ITGAM: variants seen among roughly 807,000 people sequenced by gnomAD.
ITGAM encodes the protein integrin subunit alpha M, also known as integrin alpha-M.
In ITGAM, 79 loss-of-function variants were observed where a neutral mutation model predicts 137.5. That is an observed-to-expected ratio of 0.57 (90% confidence interval 0.48 to 0.69). ITGAM has a LOEUF of 0.69. Ranked by LOEUF, ITGAM falls within the 30% of genes least tolerant of loss-of-function variation. ITGAM has a pLI of 0.00. For missense variants in ITGAM, 1,343 were observed against 1,483.5 expected (o/e 0.91, Z 1.56); for synonymous variants, 583 against 592.3 (o/e 0.98, Z 0.23).
intron 14 of ITGAM, 49 bp downstream of exon 14, chr16:31,298,003 C>T (rs2080155360): frequency 6.8e-7 from 1 of 1,472,330 alleles, no homozygotes; most frequent in Non-Finnish European, 9.5e-7. Flanking sequence ...CTTTGTTGAT[C>T]TTTCTCCTAA....
intron 12 of ITGAM, among the ~76,000 whole-genome samples, chr16:31,289,423 C>A (rs1011911902): frequency 6.6e-6 from 1 of 152,052 alleles, no homozygotes; most frequent in Non-Finnish European, 1.5e-5. Flanking sequence ...TACTATGCAG[C>A]CATAAAAAAG....
intron 14 of ITGAM, among the ~76,000 whole-genome samples, chr16:31,319,267 G>T (rs2080423559): frequency 6.6e-6 from 1 of 150,498 alleles, no homozygotes; most frequent in African/African-American, 2.5e-5. Flanking sequence ...TGTTCTATTT[G>T]CTATTGAAAG....
At chr16:31,277,806 T>C (rs41370044) in intron 11 of ITGAM, among the ~76,000 whole-genome samples, 161 bp from the exon 12 acceptor site, 21,667 of 152,028 alleles carry the variant, frequency 0.14, 1,695 homozygotes, top group African/African-American at 0.19. Flanking sequence ...AACTTCTAAA[T>C]TGAATTGTAA....
chr16:31,308,737 C>T (rs75845236), intron 14 of ITGAM, among the ~76,000 whole-genome samples: 23,751 of 149,974 alleles, frequency 0.16, 1,180 homozygotes, highest in African/African-American at 0.27. Context: ...CTTTTAATTG[C>T]GATGTTAGGG....
chr16:31,301,324 C>A (rs1163721893), intron 14 of ITGAM, among the ~76,000 whole-genome samples: 1 of 152,158 alleles, frequency 6.6e-6, no homozygotes, highest in African/African-American at 2.4e-5. Flanking sequence ...AGAGAGTATC[C>A]TTTACCCATT....
intron 28 of ITGAM, 37 bp from the exon 29 acceptor site, chr16:31,331,128 G>A (rs1220297609): frequency 2.7e-6 from 3 of 1,094,030 alleles, no homozygotes; most frequent in Non-Finnish European, 4.2e-6. Context: ...CAGAAATCCA[G>A]AGTCGTCTCC....
chr16:31,295,333 G>A (rs1349241167), intron 12 of ITGAM, among the ~76,000 whole-genome samples: 1 of 151,958 alleles, frequency 6.6e-6, no homozygotes, highest in Non-Finnish European at 1.5e-5. Flanking sequence ...CATGAACATA[G>A]GATATCTTTC....
At chr16:31,275,745 C>T in intron 9 of ITGAM, 46 bp downstream of exon 9, 1 of 1,605,672 alleles carries the variant, frequency 6.2e-7, no homozygotes, top group Non-Finnish European at 8.5e-7. Context: ...GAGGCAGCCC[C>T]CCACCCCAGA....
chr16:31,270,902 C>T, intron 5 of ITGAM, 52 bp from the exon 6 acceptor site: 6 of 1,351,582 alleles, frequency 4.4e-6, no homozygotes, highest in Non-Finnish European at 5.8e-6. Flanking sequence ...CAAAAAAACC[C>T]AAAACACCAA....
intron 22 of ITGAM, among the ~76,000 whole-genome samples, chr16:31,327,636 A>T (rs967993782): frequency 1.7e-4 from 26 of 151,942 alleles, no homozygotes; most frequent in African/African-American, 6.0e-4. Flanking sequence ...TAAAAGGGAA[A>T]AAAAGAAAAT....
rs376338183 is a variant in ITGAM, at chr16:31,316,339, A to G, written c.1708-4902A>G. The stretch of plus-strand genomic sequence containing the variant: ...GAGGAAGAGGTTGCAGTGAGCCTAC[A>G]TCATGCCACTGCACTCCAGCCTGGG... On this transcript the variant is annotated intron_variant, in intron 14 of 29. Transcript: ENST00000544665. Among the ~76,000 whole-genome samples, 689 of 151,256 alleles carry G rather than the reference A, an allele frequency of 4.6e-3. 5 individuals carry two copies. Among genetic ancestry groups the G allele is most frequent in the African/African-American group, 0.016 (653 of 41,290 alleles).
At chr16:31,281,987 A>C (rs980555695) in intron 12 of ITGAM, among the ~76,000 whole-genome samples, 19 of 152,340 alleles carry the variant, frequency 1.2e-4, no homozygotes, top group African/African-American at 3.6e-4. Context: ...TCCAGTAGTC[A>C]TTCAGGAGCA....
At chr16:31,272,080 G>C in intron 7 of ITGAM, 88 bp downstream of exon 7, 1 of 1,511,634 alleles carries the variant, frequency 6.6e-7, no homozygotes, top group South Asian at 1.2e-5. Flanking sequence ...TTCAGACAGG[G>C]GTGGTAGAGG....
chr16:31,302,928 CTTTCTT>C (rs2080225467), intron 14 of ITGAM, among the ~76,000 whole-genome samples: 1 of 29,468 alleles, frequency 3.4e-5, no homozygotes, highest in African/African-American at 1.3e-4. Flanking sequence ...CTCTTTCTTT[CTTTCTT>C]TCTTTCTTTC....
At chr16:31,304,234 CAT>C (rs1246419318) in intron 14 of ITGAM, among the ~76,000 whole-genome samples, 4 of 152,010 alleles carry the variant, frequency 2.6e-5, no homozygotes, top group Non-Finnish European at 4.4e-5. Flanking sequence ...GCATTTTTTT[CAT>C]ATGTTTATCG....
chr16:31,312,099 C>A (rs1313740203), intron 14 of ITGAM, among the ~76,000 whole-genome samples: 4 of 130,706 alleles, frequency 3.1e-5, no homozygotes, highest in Non-Finnish European at 4.6e-5. Flanking sequence ...AACACATGGA[C>A]ACAGGAAGGG....
intron 12 of ITGAM, among the ~76,000 whole-genome samples, chr16:31,288,038 C>G (rs543919008): frequency 6.6e-6 from 1 of 151,942 alleles, no homozygotes; most frequent in Admixed American, 6.6e-5. Flanking sequence ...GGGGCACCCA[C>G]AGAAAGGCAG....
intron 14 of ITGAM, among the ~76,000 whole-genome samples, chr16:31,302,680 G>T (rs1404638847): frequency 6.6e-6 from 1 of 150,560 alleles, no homozygotes; most frequent in Non-Finnish European, 1.5e-5. Flanking sequence ...GATGACAGGC[G>T]CCCGCCACTA....
intron 23 of ITGAM, 96 bp from the exon 24 acceptor site, chr16:31,329,132 C>A: frequency 2.9e-6 from 2 of 698,418 alleles, no homozygotes; most frequent in Non-Finnish European, 5.2e-6. Context: ...ACCCATTACC[C>A]ATGTGCCTGT....
Sources: gnomAD v4.1 joint callset for allele counts (sites outside exome capture counted in the v4.1 genomes callset) on GRCh38, gnomAD v4.1.1 for gene constraint, MANE v1.5 for transcripts, NCBI Gene and HGNC (gene_info 2026-07-23, HGNC 2026-07-21) for gene names.